Variants in VNN1 observed in about 807,000 individuals in gnomAD.
VNN1 encodes vanin 1, also known as pantetheinase.
A neutral mutation model predicts 41.9 loss-of-function variants in VNN1; 29 were observed. That is an observed-to-expected ratio of 0.69 (90% CI 0.52 to 0.94). The LOEUF is 0.94. VNN1 is among the 40% of genes least tolerant of loss of function. The probability of loss-of-function intolerance (pLI) is 0.00; values close to 1 mark genes in which losing one functional copy is unlikely to be tolerated. For missense variants in VNN1, 637 were observed against 621.1 expected, an observed-to-expected ratio of 1.03 and a Z score of -0.27; for synonymous variants, 233 against 224.4, an observed-to-expected ratio of 1.04 and a Z score of -0.34.
At chr6:132,683,462 C>T in intron 6 of VNN1, 140 bp from the exon 7 acceptor site, 1 of 906,454 alleles carries the variant, frequency 1.1e-6, no homozygotes, top group Non-Finnish European at 1.7e-6. Flanking sequence ...TGAAATGTTG[C>T]CAAGTACAAG....
chr6:132,699,157 T>C lies in VNN1; in HGVS notation c.342-4975A>G, dbSNP rs45515296. ...CTGATGTGTTCCAAATAGGTGAATA[T>C]AGGTTCACGGTTTCAGACTTGATGA... is the stretch of plus-strand genomic sequence containing the variant. On this transcript the variant is annotated intron_variant, in intron 2 of 6. Transcript: ENST00000367928. The C allele has an allele frequency of 1.9e-3, 714 of 368,688 alleles. 15 individuals carry two copies. In the Admixed American group the frequency reaches 0.022, roughly 11 times the overall value. The allele number at this position is 368,688 out of a possible 1,614,324, so 22.8% of individuals were successfully genotyped here. A position where few individuals can be genotyped will look rare whatever the true frequency, so the allele number is the denominator to read the frequency against.
chr6:132,683,466 G>T, intron 6 of VNN1, 144 bp from the exon 7 acceptor site: 3 of 865,314 alleles, frequency 3.5e-6, no homozygotes, highest in Non-Finnish European at 5.3e-6. Flanking sequence ...ATGTTGCCAA[G>T]TACAAGAAAA....
At chr6:132,695,192 G>C (rs905042408) in intron 2 of VNN1, among the ~76,000 whole-genome samples, 6 of 152,012 alleles carry the variant, frequency 3.9e-5, no homozygotes, top group African/African-American at 9.7e-5. Flanking sequence ...AAAATTTAGA[G>C]GTAGAGGGAT....
At position 132,702,220 on chromosome 6, in the gene VNN1, G is replaced by A. The variant is rs997514767; in HGVS notation, c.342-8038C>T. ...ACTGCCTGAGCTCTGCCTCCTGTCA[G>A]ATCAGTTGCAGCATTAGATTCTCAT... On this transcript the variant is annotated intron_variant, in intron 2 of 6. Transcript: ENST00000367928. Among the ~76,000 whole-genome samples the A allele has an allele frequency of 2.0e-5, 3 of 152,196 alleles. 1 individual carries two copies. The highest frequency in any genetic ancestry group is 1.3e-4 in the Admixed American group (2 of 15,282).
chr6:132,704,683 T>G (rs1210033878), intron 2 of VNN1, among the ~76,000 whole-genome samples: 1 of 150,870 alleles, frequency 6.6e-6, no homozygotes, highest in African/African-American at 2.4e-5. Flanking sequence ...AAACCTGAAA[T>G]TAGTAGAAGA....
intron 5 of VNN1, among the ~76,000 whole-genome samples, chr6:132,687,214 A>G (rs1471998081): frequency 6.6e-6 from 1 of 152,218 alleles, no homozygotes; most frequent in Non-Finnish European, 1.5e-5. Flanking sequence ...GCAACGTAAG[A>G]TGGGAGGATA....
chr6:132,694,334 A>C, intron 2 of VNN1, 152 bp from the exon 3 acceptor site: 1 of 897,778 alleles, frequency 1.1e-6, no homozygotes, highest in Non-Finnish European at 1.6e-6. Context: ...TAAGACAAGA[A>C]AGGAGTTCAG....
Position 132,693,169 on chromosome 6 carries a change from G to A in VNN1, c.681C>T (p.Phe227=), listed in dbSNP as rs1426747160. 1.9e-6 allele frequency: 3 copies of A among 1,614,086 alleles called. No individual in the cohort carries two copies. The highest frequency in any genetic ancestry group is 2.5e-6 in the Non-Finnish European group (3 of 1,179,994). Residue 227 remains phenylalanine, a synonymous_variant, in exon 4 of 7, where the codon TTC becomes TTT. Transcript: ENST00000367928. ...TTGGGAATACTATGGTGTCCACGTGGAAATCTTTCACCAAGGTAACAGCAG... is the reference window on the plus strand; with the variant it reads ...TTGGGAATACTATGGTGTCCACGTGAAAATCTTTCACCAAGGTAACAGCAG... ...HDPAVTLVKD[F]HVDTIVFPTA... is the part of the protein sequence containing the mutation.
At chr6:132,691,443 C>T (rs1778282445) in intron 5 of VNN1, among the ~76,000 whole-genome samples, 1 of 151,844 alleles carries the variant, frequency 6.6e-6, no homozygotes, top group South Asian at 2.1e-4. Context: ...TAAACCATTC[C>T]ATTGAACTAT....
At chr6:132,702,671 A>ATTTT (rs1778464469) in intron 2 of VNN1, among the ~76,000 whole-genome samples, 1 of 152,224 alleles carries the variant, frequency 6.6e-6, no homozygotes, top group Non-Finnish European at 1.5e-5. Flanking sequence ...CAACTTGGAT[A>ATTTT]ACAGCTCAAC....
chr6:132,684,496 G>C lies in VNN1; in HGVS notation c.1198C>G (p.Leu400Val), dbSNP rs1482713957. 6.2e-7 allele frequency: 1 copy of C among 1,613,804 alleles called. No homozygotes were observed. The highest frequency in any genetic ancestry group is 1.3e-5 in the African/African-American group (1 of 74,888). The change falls in exon 6 of 7, where the codon CTG becomes GTG. Residue 400 changes from leucine (L) to valine (V), a missense_variant. Coordinates refer to ENST00000367928, the MANE Select transcript of VNN1 (RefSeq NM_004666.3). ...EGRYYLQICT[L>V]LKCKTTNLNT... ...AAATTAGTCGTTTTACATTTCAACA[G>C]GGTACAAATCTAGGGAAGTCATGAA...
chr6:132,707,386 G>A (rs993562869), intron 2 of VNN1, among the ~76,000 whole-genome samples: 1 of 152,068 alleles, frequency 6.6e-6, no homozygotes, highest in Non-Finnish European at 1.5e-5. Flanking sequence ...CAGTTTGAAG[G>A]TTTCTCAAAA....
chr6:132,695,203 G>C (rs1018157295), intron 2 of VNN1, among the ~76,000 whole-genome samples: 2 of 152,126 alleles, frequency 1.3e-5, no homozygotes, highest in African/African-American at 4.8e-5. Context: ...GTAGAGGGAT[G>C]CTGGGAAGAT....
In VNN1 at chr6:132,692,516, G is replaced by C. The variant is rs1562215639; in HGVS notation, c.895C>G (p.Leu299Val). The part of the protein sequence containing the change: ...HYDMKTEEGK[L>V]LLSQLDSHPS... ...TGGGAATCCAGTTGCGAGAGGAGGA[G>C]TTTTCCCTCTTCTGTCTTCATATCA... is the stretch of plus-strand genomic sequence containing the variant. The change falls in exon 5 of 7, where the codon CTC becomes GTC. Residue 299 changes from leucine (L) to valine (V), a missense_variant. Coordinates refer to ENST00000367928, the MANE Select transcript of VNN1 (RefSeq NM_004666.3). The C allele has an allele frequency of 6.2e-7, 1 of 1,612,014 alleles. No homozygotes were observed. Among genetic ancestry groups the C allele is most frequent in the Non-Finnish European group, 8.5e-7 (1 of 1,179,962 alleles).
At chr6:132,691,573 A>G (rs903123761) in intron 5 of VNN1, among the ~76,000 whole-genome samples, 6 of 152,212 alleles carry the variant, frequency 3.9e-5, no homozygotes, top group Admixed American at 3.3e-4. Flanking sequence ...AGGAAATAAA[A>G]TGGGTTTTCA....
chr6:132,683,849 G>T (rs1329732173), intron 6 of VNN1, among the ~76,000 whole-genome samples: 4 of 152,208 alleles, frequency 2.6e-5, no homozygotes, highest in African/African-American at 9.7e-5. Context: ...TGAAGCAAGG[G>T]ATTATTTCTG....
chr6:132,689,364 A>T (rs1477266569), intron 5 of VNN1, among the ~76,000 whole-genome samples: 1 of 152,076 alleles, frequency 6.6e-6, no homozygotes, highest in Non-Finnish European at 1.5e-5. Flanking sequence ...CTTGTCTCAG[A>T]TAAGATTTCT....
intron 2 of VNN1, among the ~76,000 whole-genome samples, chr6:132,696,369 T>A (rs1381770257): frequency 6.6e-6 from 1 of 151,686 alleles, no homozygotes; most frequent in Non-Finnish European, 1.5e-5. Context: ...ACTGTGGGAG[T>A]CTCAGAAGGA....
intron 6 of VNN1, 29 bp from the exon 7 acceptor site, chr6:132,683,351 C>T: frequency 6.3e-7 from 1 of 1,593,074 alleles, no homozygotes; most frequent in Non-Finnish European, 8.5e-7. Flanking sequence ...TAGGCAAAGG[C>T]TACCTTCAAG....
Sources: gnomAD v4.1 joint callset for allele counts (sites outside exome capture counted in the v4.1 genomes callset) on GRCh38, gnomAD v4.1.1 for gene constraint, MANE v1.5 for transcripts, NCBI Gene and HGNC (gene_info 2026-07-23, HGNC 2026-07-21) for gene names.